The following PTPRE variants were observed in gnomAD, a reference collection of about 807,000 sequenced individuals.
PTPRE encodes the protein protein tyrosine phosphatase receptor type E.
In PTPRE, 51 loss-of-function variants were observed where a neutral mutation model predicts 102.0. That is an observed-to-expected ratio of 0.50 (90% CI 0.40 to 0.63). The LOEUF (loss-of-function observed/expected upper bound fraction) is 0.63. PTPRE is among the 30% of genes least tolerant of loss of function. The pLI, the probability that PTPRE is intolerant of heterozygous loss-of-function variation, is 0.00. For missense variants in PTPRE, 752 were observed against 915.1 expected, an observed-to-expected ratio of 0.82 and a Z score of 2.30; for synonymous variants, 345 against 348.2, an observed-to-expected ratio of 0.99 and a Z score of 0.10.
At chr10:127,941,742 C>G (rs187131526) in intron 1 of PTPRE, among the ~76,000 whole-genome samples, 1 of 152,258 alleles carries the variant, frequency 6.6e-6, no homozygotes, top group East Asian at 1.9e-4. Context: ...CCTGCTCTTT[C>G]TACAATACAA....
At chr10:127,908,810 G>A (rs1845668780) in intron 1 of PTPRE, among the ~76,000 whole-genome samples, 1 of 152,066 alleles carries the variant, frequency 6.6e-6, no homozygotes, top group African/African-American at 2.4e-5. Context: ...AGTCACCACC[G>A]CCCCCTCCCT....
intron 1 of PTPRE, among the ~76,000 whole-genome samples, chr10:127,953,020 G>A (rs1849149966): frequency 1.3e-5 from 2 of 152,192 alleles, no homozygotes; most frequent in African/African-American, 2.4e-5. Flanking sequence ...ATAAGTTGTT[G>A]TATCTGGCCC....
intron 2 of PTPRE, among the ~76,000 whole-genome samples, chr10:128,023,168 C>A (rs183048048): frequency 6.6e-6 from 1 of 151,942 alleles, no homozygotes; most frequent in Admixed American, 6.6e-5. Flanking sequence ...TAGAATTGTT[C>A]TATTTTATTA....
intron 1 of PTPRE, among the ~76,000 whole-genome samples, chr10:127,972,125 A>C (rs1850792683): frequency 6.6e-6 from 1 of 152,114 alleles, no homozygotes; most frequent in Non-Finnish European, 1.5e-5. Flanking sequence ...TGAGGGTAAC[A>C]TGGGGGAGGA....
chr10:128,025,858 A>C (rs191596765), intron 2 of PTPRE, among the ~76,000 whole-genome samples: 1 of 152,318 alleles, frequency 6.6e-6, no homozygotes, highest in African/African-American at 2.4e-5. Context: ...CAGGGACCTC[A>C]GATGCCTCTG....
chr10:127,993,675 G>C (rs1852927299), intron 2 of PTPRE, among the ~76,000 whole-genome samples: 1 of 152,134 alleles, frequency 6.6e-6, no homozygotes, highest in Non-Finnish European at 1.5e-5. Flanking sequence ...GCACAAACAG[G>C]GCTGGCTACT....
chr10:128,016,684 G>A lies in PTPRE; in HGVS notation c.-7-24191G>A, dbSNP rs77542495. Among the ~76,000 whole-genome samples the A allele has an allele frequency of 7.7e-4, 117 of 152,098 alleles. 3 individuals carry two copies. In the East Asian group the frequency reaches 0.018, roughly 23 times the overall value. On this transcript the variant is annotated intron_variant, in intron 2 of 20. Transcript: ENST00000254667. Reference sequence around the variant, plus strand: ...TTGGCACAGCTCAGAGGGGACCACAGGGACAGCCAGAAAGGTCTCATCCCA... The same window carrying A: ...TTGGCACAGCTCAGAGGGGACCACAAGGACAGCCAGAAAGGTCTCATCCCA...
chr10:127,937,872 T>C (rs1177113412), intron 1 of PTPRE, among the ~76,000 whole-genome samples: 2 of 151,626 alleles, frequency 1.3e-5, no homozygotes, highest in East Asian at 3.9e-4. Flanking sequence ...AAAATAAAAG[T>C]AAAATAAGCT....
intron 1 of PTPRE, among the ~76,000 whole-genome samples, chr10:127,936,569 G>T (rs1227251530): frequency 6.6e-6 from 1 of 152,180 alleles, no homozygotes; most frequent in East Asian, 1.9e-4. Context: ...TCAGATAGGG[G>T]TAGAAGGTGG....
intron 1 of PTPRE, among the ~76,000 whole-genome samples, chr10:127,968,214 T>C (rs1033471878): frequency 6.6e-6 from 1 of 152,176 alleles, no homozygotes; most frequent in African/African-American, 2.4e-5. Flanking sequence ...GGTTCCTATG[T>C]TGTTGGAAAG....
At chr10:127,930,900 C>T (rs1375399168) in intron 1 of PTPRE, among the ~76,000 whole-genome samples, 1 of 151,378 alleles carries the variant, frequency 6.6e-6, no homozygotes, top group African/African-American at 2.4e-5. Flanking sequence ...TCAAGCGATT[C>T]TCCTGCCTCA....
rs186880507 is a variant in PTPRE, at chr10:127,937,238, C to T, written c.-31+29929C>T. Among the ~76,000 whole-genome samples, 43 of 152,310 alleles carry T rather than the reference C, an allele frequency of 2.8e-4. No homozygotes were observed. In the East Asian group the frequency reaches 6.2e-3, roughly 22 times the overall value. Reference sequence around the variant, plus strand: ...AATGGCTTTTTATAAATCTGCATCTCTTCCTCCCCTAGGAAGAAAAAAAGG... The same window carrying T: ...AATGGCTTTTTATAAATCTGCATCTTTTCCTCCCCTAGGAAGAAAAAAAGG... On this transcript the variant is annotated intron_variant, in intron 1 of 20. Transcript: ENST00000254667.
At chr10:128,063,522 G>A (rs1303354940) in intron 10 of PTPRE, among the ~76,000 whole-genome samples, 3 of 152,204 alleles carry the variant, frequency 2.0e-5, no homozygotes, top group Non-Finnish European at 4.4e-5. Context: ...ATGCGGCAGA[G>A]CTCAGGCTAG....
chr10:128,052,142 C>T (rs1422641727), intron 6 of PTPRE, among the ~76,000 whole-genome samples: 7 of 152,224 alleles, frequency 4.6e-5, no homozygotes, highest in Non-Finnish European at 1.0e-4. Context: ...TGATGCAGCA[C>T]CCGTCCTCTG....
intron 1 of PTPRE, among the ~76,000 whole-genome samples, chr10:127,945,479 A>G (rs967099308): frequency 2.0e-5 from 3 of 152,232 alleles, no homozygotes; most frequent in African/African-American, 7.2e-5. Flanking sequence ...TCTGTCTCAG[A>G]ACAAATGTCA....
chr10:128,002,292 A>G (rs1854001063), intron 2 of PTPRE, among the ~76,000 whole-genome samples: 1 of 152,210 alleles, frequency 6.6e-6, no homozygotes, highest in South Asian at 2.1e-4. Context: ...GAGGGGGAAC[A>G]AGGCCATCAG....
At chr10:127,972,732 G>A (rs1375085664) in intron 1 of PTPRE, among the ~76,000 whole-genome samples, 1 of 152,240 alleles carries the variant, frequency 6.6e-6, no homozygotes, top group Non-Finnish European at 1.5e-5. Flanking sequence ...GCAGGGATCT[G>A]GCTGGAGAGC....
intron 11 of PTPRE, among the ~76,000 whole-genome samples, chr10:128,067,783 G>A (rs1850397833): frequency 6.6e-6 from 1 of 152,220 alleles, no homozygotes; most frequent in Non-Finnish European, 1.5e-5. Context: ...GGCCTGAGGT[G>A]GGACTGTCCA....
intron 15 of PTPRE, chr10:128,071,494 T>G (rs957028109): frequency 6.4e-6 from 1 of 157,294 alleles, no homozygotes. Flanking sequence ...CAGGGCCACA[T>G]GCAGTGGGCA....
Sources: gnomAD v4.1 joint callset for allele counts (sites outside exome capture counted in the v4.1 genomes callset) on GRCh38, gnomAD v4.1.1 for gene constraint, MANE v1.5 for transcripts, NCBI Gene and HGNC (gene_info 2026-07-23, HGNC 2026-07-21) for gene names.